FBXL7: variants seen among roughly 807,000 people sequenced by gnomAD.
FBXL7 encodes F-box/LRR-repeat protein 7.
Under a neutral mutation model 38.3 loss-of-function variants are expected in FBXL7, and 12 were observed. The observed-to-expected ratio is 0.31, with a 90% CI of 0.20 to 0.51. The LOEUF (loss-of-function observed/expected upper bound fraction) is 0.51. Ranked by LOEUF, FBXL7 falls within the 20% of genes least tolerant of loss-of-function variation. The pLI, the probability that FBXL7 is intolerant of heterozygous loss-of-function variation, is 0.98. For missense variants in FBXL7, 567 were observed against 676.4 expected (o/e 0.84, Z 1.79); for synonymous variants, 297 against 300.9 (o/e 0.99, Z 0.13).
intron 2 of FBXL7, among the ~76,000 whole-genome samples, chr5:15,763,517 A>G (rs533255414): frequency 6.6e-5 from 10 of 152,306 alleles, no homozygotes; most frequent in African/African-American, 1.7e-4. Flanking sequence ...GAGAGACTAC[A>G]TCGAATATAA....
intron 2 of FBXL7, among the ~76,000 whole-genome samples, chr5:15,634,337 TA>T (rs1161521006): frequency 8.9e-5 from 9 of 100,784 alleles, no homozygotes; most frequent in African/African-American, 2.7e-4. Context: ...TTTTTTTTTT[TA>T]AAAGACAGAG....
At chr5:15,573,764 C>G (rs570798573) in intron 1 of FBXL7, among the ~76,000 whole-genome samples, 4 of 152,324 alleles carry the variant, frequency 2.6e-5, no homozygotes, top group African/African-American at 7.2e-5. Context: ...TGCCTTGGAT[C>G]TCTGCAGAGC....
intron 1 of FBXL7, 118 bp downstream of exon 1, chr5:15,500,831 C>A: frequency 8.1e-7 from 1 of 1,237,684 alleles, no homozygotes; most frequent in Non-Finnish European, 1.1e-6. Flanking sequence ...ATTTGGCACC[C>A]TGTCTGGGTC....
intron 1 of FBXL7, among the ~76,000 whole-genome samples, chr5:15,549,384 A>G (rs935503816): frequency 6.6e-6 from 1 of 152,190 alleles, no homozygotes; most frequent in African/African-American, 2.4e-5. Context: ...CAACCCAAGC[A>G]TAGCCAGAAT....
intron 1 of FBXL7, among the ~76,000 whole-genome samples, chr5:15,586,269 C>T (rs934804727): frequency 1.8e-5 from 2 of 109,578 alleles, no homozygotes; most frequent in African/African-American, 6.9e-5. Context: ...CCCTCCCCTC[C>T]CCCCTCCCCC....
chr5:15,804,304 C>CA (rs1737647699), intron 2 of FBXL7, among the ~76,000 whole-genome samples: 3 of 151,734 alleles, frequency 2.0e-5, no homozygotes, highest in Admixed American at 6.6e-5. Flanking sequence ...CCCATCTTTA[C>CA]AAAAAAATTT....
chr5:15,831,944 G>T (rs924502754), intron 2 of FBXL7, among the ~76,000 whole-genome samples: 27 of 152,094 alleles, frequency 1.8e-4, no homozygotes, highest in African/African-American at 6.3e-4. Flanking sequence ...CCTCTTCCAA[G>T]GATGGGAAGT....
At chr5:15,688,294 G>T (rs1743079119) in intron 2 of FBXL7, among the ~76,000 whole-genome samples, 2 of 152,184 alleles carry the variant, frequency 1.3e-5, no homozygotes, top group Admixed American at 1.3e-4. Flanking sequence ...GCTTATCATA[G>T]CTCCAGTACA....
At chr5:15,847,387 G>C (rs1291881592) in intron 2 of FBXL7, among the ~76,000 whole-genome samples, 1 of 152,120 alleles carries the variant, frequency 6.6e-6, no homozygotes, top group Non-Finnish European at 1.5e-5. Flanking sequence ...ACTATCACAA[G>C]AACAGCAGCA....
chr5:15,534,121 A>AC lies in FBXL7; in HGVS notation c.37+33415dup, dbSNP rs556256145. ...AGGCACAGCGTCCTGCACTGTTGAC[A>AC]CCCCCCCACCAGAGTGGTATGTTTG... On this transcript the variant is annotated intron_variant, in intron 1 of 3. Coordinates refer to ENST00000504595, the MANE Select transcript of FBXL7 (RefSeq NM_012304.5). Among the ~76,000 whole-genome samples, 132 of 151,952 alleles carry AC rather than the reference A, an allele frequency of 8.7e-4. 1 individual carries two copies. The highest frequency in any genetic ancestry group is 3.0e-3 in the African/African-American group (123 of 41,420).
intron 2 of FBXL7, among the ~76,000 whole-genome samples, chr5:15,654,312 A>G (rs6892800): frequency 0.012 from 1,820 of 152,100 alleles, 36 homozygotes; most frequent in African/African-American, 0.042. Context: ...GTTCATTTAT[A>G]TAATTGAGAA....
intron 2 of FBXL7, among the ~76,000 whole-genome samples, chr5:15,768,180 C>G (rs1736639132): frequency 6.6e-6 from 1 of 152,170 alleles, no homozygotes; most frequent in African/African-American, 2.4e-5. Flanking sequence ...GGATACCCTA[C>G]TACTTTACAG....
At chr5:15,556,837 A>C (rs1416527095) in intron 1 of FBXL7, among the ~76,000 whole-genome samples, 1 of 152,170 alleles carries the variant, frequency 6.6e-6, no homozygotes, top group Non-Finnish European at 1.5e-5. Context: ...TCTGATCTTG[A>C]TGATATCAAG....
chr5:15,897,123 ACT>A (rs1554032922), intron 2 of FBXL7, among the ~76,000 whole-genome samples: 1 of 151,942 alleles, frequency 6.6e-6, no homozygotes, highest in Non-Finnish European at 1.5e-5. Flanking sequence ...ATGGAGTGAG[ACT>A]CTATCTCTCT....
intron 2 of FBXL7, among the ~76,000 whole-genome samples, chr5:15,826,138 C>A (rs1349154863): frequency 6.6e-6 from 1 of 152,136 alleles, no homozygotes; most frequent in Non-Finnish European, 1.5e-5. Flanking sequence ...TTGAAGCCAA[C>A]GTTTTTGTGA....
chr5:15,563,232 T>C (rs1460334042), intron 1 of FBXL7, among the ~76,000 whole-genome samples: 1 of 152,154 alleles, frequency 6.6e-6, no homozygotes, highest in African/African-American at 2.4e-5. Flanking sequence ...GTACTTAGTA[T>C]AGTGCTTGGC....
intron 1 of FBXL7, among the ~76,000 whole-genome samples, chr5:15,584,814 GT>G (rs1303797336): frequency 4.6e-5 from 7 of 152,240 alleles, no homozygotes; most frequent in Non-Finnish European, 1.0e-4. Context: ...AAAGGAAAGA[GT>G]TTCAATTGAC....
rs115481337 is a variant in FBXL7, at chr5:15,859,472, G to A, written c.128-68418G>A. ...TTCCACACTGATAATAAAGACATAC[G>A]CAAGACAAGGTAACTGATAAAGGAA... On this transcript the variant is annotated intron_variant, in intron 2 of 3. Transcript: ENST00000504595. 7.4e-3 allele frequency among the ~76,000 whole-genome samples: 1,122 copies of A among 152,184 alleles called. 10 individuals carry two copies. Among genetic ancestry groups the A allele is most frequent in the African/African-American group, 0.025 (1,022 of 41,518 alleles).
chr5:15,693,817 G>T (rs1579383504), intron 2 of FBXL7, among the ~76,000 whole-genome samples: 4 of 152,252 alleles, frequency 2.6e-5, no homozygotes, highest in Middle Eastern at 3.4e-3. Flanking sequence ...CCCGACTCCA[G>T]GGTAAGACCA....
Sources: gnomAD v4.1 joint callset for allele counts (sites outside exome capture counted in the v4.1 genomes callset) on GRCh38, gnomAD v4.1.1 for gene constraint, MANE v1.5 for transcripts, NCBI Gene and HGNC (gene_info 2026-07-23, HGNC 2026-07-21) for gene names.